The following NR1D2 variants were observed in gnomAD, a reference collection of about 807,000 sequenced individuals.
NR1D2 encodes V-erbA-related protein 1-related.
Under a neutral mutation model 52.2 loss-of-function variants are expected in NR1D2, and 25 were observed. The observed-to-expected ratio is 0.48, with a 90% CI of 0.35 to 0.67. The LOEUF is 0.67. Among genes scored for constraint, NR1D2 ranks in the 30% least tolerant of loss-of-function variants. The pLI is 0.01. For synonymous variants in NR1D2, 259 were observed against 230.1 expected, an observed-to-expected ratio of 1.13 and a Z score of -1.14; for missense variants, 681 against 707.2, an observed-to-expected ratio of 0.96 and a Z score of 0.42.
intron 1 of NR1D2, chr3:23,946,394 GT>G (rs1312600109): frequency 8.4e-6 from 6 of 718,502 alleles, no homozygotes; most frequent in Non-Finnish European, 1.0e-5. Context: ...CGGGGAAGGC[GT>G]GGGGCTTTCC....
At chr3:23,946,081 G>C (rs1705689651) in intron 1 of NR1D2, 8 of 984,080 alleles carry the variant, frequency 8.1e-6, no homozygotes, top group Middle Eastern at 5.2e-4. Context: ...GGGAGGCTCC[G>C]CCCCTTTGGA....
chr3:23,951,893 T>C (rs1299604698), intron 1 of NR1D2, among the ~76,000 whole-genome samples: 1 of 152,190 alleles, frequency 6.6e-6, no homozygotes, highest in Non-Finnish European at 1.5e-5. Flanking sequence ...AAACTCGAAG[T>C]TGGGAATCTT....
chr3:23,957,146 C>G (rs1161874997), intron 3 of NR1D2, among the ~76,000 whole-genome samples: 1 of 151,888 alleles, frequency 6.6e-6, no homozygotes, highest in East Asian at 1.9e-4. Flanking sequence ...CCACTCCAGG[C>G]TAATTTTTGT....
At position 23,952,305 on chromosome 3, in the gene NR1D2, T is replaced by C. The variant is rs149681895; in HGVS notation, c.17-2232T>C. ...GAGCAGATTTGCACCTCTCACCTCA[T>C]GATCGAGTCCAGGCATAGGCTTCAT... On this transcript the variant is annotated intron_variant, in intron 1 of 7. Transcript: ENST00000312521. 3.0e-3 allele frequency among the ~76,000 whole-genome samples: 460 copies of C among 152,326 alleles called. 3 individuals carry two copies. The highest frequency in any genetic ancestry group is 0.011 in the African/African-American group (442 of 41,580).
In NR1D2 at chr3:23,959,806, T is replaced by A; in HGVS notation, c.508T>A (p.Ser170Thr). The A allele has an allele frequency of 1.2e-6, 2 of 1,612,748 alleles. No homozygotes were observed. The highest frequency in any genetic ancestry group is 1.7e-6 in the Non-Finnish European group (2 of 1,179,484). The change falls in exon 4 of 8, where the codon TCA becomes ACA. Residue 170 changes from serine (S) to threonine (T), a missense_variant. This residue lies in a region of NR1D2 where 112 missense variants were observed against 162.3 expected (regional missense o/e 0.69). Coordinates refer to ENST00000312521, the MANE Select transcript of NR1D2 (RefSeq NM_005126.5). ...RFKKCLSVGM[S>T]RDAVRFGRIP... ...CAAAAAGTGTCTGTCTGTTGGAATGTCAAGAGATGGTATGTTCCCAGTTTA... is the reference window on the plus strand; with the variant it reads ...CAAAAAGTGTCTGTCTGTTGGAATGACAAGAGATGGTATGTTCCCAGTTTA...
intron 5 of NR1D2, chr3:23,963,474 C>T (rs1485681997): frequency 1.9e-6 from 2 of 1,042,818 alleles, no homozygotes; most frequent in Non-Finnish European, 2.4e-6. Flanking sequence ...TTTTTTGAGA[C>T]ATTCTTGCTC....
At chr3:23,964,763 T>TA (rs1706395280) in intron 5 of NR1D2, 3 of 412,304 alleles carry the variant, frequency 7.3e-6, no homozygotes, top group Middle Eastern at 6.5e-4. Context: ...GGCTTTTTTT[T>TA]AATGATAAGT....
intron 5 of NR1D2, chr3:23,963,560 A>G (rs1575154831): frequency 5.2e-6 from 1 of 191,668 alleles, no homozygotes; most frequent in Non-Finnish European, 9.6e-6. Flanking sequence ...AGCAATTCTC[A>G]TGCCTCAACC....
rs139126733 is a variant in NR1D2 at position 23,951,790 on chromosome 3, G to A, written c.17-2747G>A. On this transcript the variant is annotated intron_variant, in intron 1 of 7. Transcript: ENST00000312521. ...TGCACATTCCTGAGGATGTGTTCTC[G>A]TCTGGGCAGGGCCTTGGAAACATGT... Among the ~76,000 whole-genome samples, 467 of 152,324 alleles carry A rather than the reference G, an allele frequency of 3.1e-3. 1 individual carries two copies. Among genetic ancestry groups the A allele is most frequent in the South Asian group, 5.8e-3 (28 of 4,828 alleles).
At position 23,951,031 on chromosome 3, in the gene NR1D2, G is replaced by A. The variant is rs866662380; in HGVS notation, c.17-3506G>A. On this transcript the variant is annotated intron_variant, in intron 1 of 7. Coordinates refer to ENST00000312521, the MANE Select transcript of NR1D2 (RefSeq NM_005126.5). ...AGTGATTCTCCTGTCTCAGCCTCCT[G>A]AGGAGCTGGGATTACAGGCATGCGC... Among the ~76,000 whole-genome samples the A allele has an allele frequency of 2.6e-5, 4 of 151,030 alleles. No homozygotes were observed. In the South Asian group the frequency reaches 8.3e-4, roughly 31 times the overall value.
At chr3:23,946,055 A>AGC (rs1705687352) in intron 1 of NR1D2, 2 of 966,294 alleles carry the variant, frequency 2.1e-6, no homozygotes, top group Non-Finnish European at 2.5e-6. Flanking sequence ...GCTGGCTGGG[A>AGC]GCGCCGCAGC....
At chr3:23,954,182 A>G (rs1388797327) in intron 1 of NR1D2, among the ~76,000 whole-genome samples, 2 of 152,010 alleles carry the variant, frequency 1.3e-5, no homozygotes, top group Non-Finnish European at 2.9e-5. Flanking sequence ...AAGTTTTTAA[A>G]TTTTTTTGTA....
intron 5 of NR1D2, 177 bp from the exon 6 acceptor site, chr3:23,964,800 A>G (rs915916161): frequency 3.5e-5 from 17 of 482,546 alleles, no homozygotes; most frequent in African/African-American, 3.4e-4. Context: ...TAGGTTGCCA[A>G]GAGGCTTTCT....
At chr3:23,975,757 C>CA (rs200753529) in intron 7 of NR1D2, among the ~76,000 whole-genome samples, 34 of 150,458 alleles carry the variant, frequency 2.3e-4, no homozygotes, top group East Asian at 1.2e-3. Context: ...AACTCCATCT[C>CA]AAAAAAAAAG....
chr3:23,969,851 AT>A (rs1706541843), intron 7 of NR1D2, among the ~76,000 whole-genome samples: 1 of 152,166 alleles, frequency 6.6e-6, no homozygotes, highest in South Asian at 2.1e-4. Flanking sequence ...TGGAGCTGGA[AT>A]TTGAAGGTTG....
chr3:23,946,716 A>G (rs931769339), intron 1 of NR1D2: 1 of 152,074 alleles, frequency 6.6e-6, no homozygotes, highest in African/African-American at 2.4e-5. Flanking sequence ...ATTAAAAAAA[A>G]ATTAACCTGT....
chr3:23,955,138 T>C (rs542184929), intron 2 of NR1D2, among the ~76,000 whole-genome samples: 1 of 152,316 alleles, frequency 6.6e-6, no homozygotes, highest in African/African-American at 2.4e-5. Context: ...TACTTGCTCA[T>C]TGTGGGAAGG....
intron 7 of NR1D2, among the ~76,000 whole-genome samples, chr3:23,972,031 T>A (rs907587563): frequency 1.5e-4 from 23 of 152,382 alleles, no homozygotes; most frequent in African/African-American, 5.5e-4. Flanking sequence ...TTTATTTCAG[T>A]TCTCTATTAA....
intron 7 of NR1D2, among the ~76,000 whole-genome samples, chr3:23,973,008 A>G (rs551446942): frequency 6.6e-6 from 1 of 152,314 alleles, no homozygotes; most frequent in African/African-American, 2.4e-5. Context: ...AAGACCAACA[A>G]CTTCAAACAT....
Sources: allele counts gnomAD v4.1 joint callset (sites outside exome capture counted in the v4.1 genomes callset), GRCh38; gene constraint gnomAD v4.1.1; regional missense constraint gnomAD v4.1.1; transcripts MANE v1.5; gene names NCBI Gene and HGNC (gene_info 2026-07-23, HGNC 2026-07-21).